Variants in RHOT1 observed in about 807,000 individuals in gnomAD.
RHOT1 encodes ras homolog family member T1, also known as mitochondrial Rho GTPase 1.
A neutral mutation model predicts 95.3 loss-of-function variants in RHOT1; 27 were observed. That is an observed-to-expected ratio of 0.28 (90% CI 0.21 to 0.39). The LOEUF is 0.39. Ranked by LOEUF, RHOT1 falls within the 10% of genes least tolerant of loss-of-function variation. The pLI is 1.00. For missense variants in RHOT1, 578 were observed against 786.7 expected (o/e 0.73, Z 3.17); for synonymous variants, 227 against 263.5 (o/e 0.86, Z 1.34).
At chr17:32,163,297 TAG>T (rs745733282) in intron 1 of RHOT1, among the ~76,000 whole-genome samples, 1 of 151,796 alleles carries the variant, frequency 6.6e-6, no homozygotes, top group Admixed American at 6.6e-5. Flanking sequence ...ATTAGGGAAA[TAG>T]GGGAACAGTG....
In RHOT1 at chr17:32,217,816, CAG is replaced by C. The variant is rs200569256; in HGVS notation, c.1862+6583_1862+6584del. Reference sequence around the variant, plus strand: ...ATTGAAACATTTGGAGAAACAAAAGCAGAGAGTCCAGAAGACTTTTTTTAATT... The same window carrying C: ...ATTGAAACATTTGGAGAAACAAAAGCAGAGTCCAGAAGACTTTTTTTAATT... On this transcript the variant is annotated intron_variant, in intron 19 of 19. Transcript: ENST00000545287. Among the ~76,000 whole-genome samples, 1,089 of 150,978 alleles carry C rather than the reference CAG, an allele frequency of 7.2e-3. 39 individuals are homozygous for C. The highest frequency in any genetic ancestry group is 0.063 in the Admixed American group (955 of 15,148).
At chr17:32,192,509 G>A (rs1243228187) in intron 9 of RHOT1, among the ~76,000 whole-genome samples, 5 of 151,822 alleles carry the variant, frequency 3.3e-5, no homozygotes, top group Non-Finnish European at 7.4e-5. Context: ...TCATTTTATG[G>A]TATAAAGTGG....
intron 11 of RHOT1, among the ~76,000 whole-genome samples, chr17:32,195,694 C>G (rs916786493): frequency 6.6e-6 from 1 of 152,180 alleles, no homozygotes; most frequent in Admixed American, 6.6e-5. Context: ...TTTTACTTCT[C>G]CGTTATTGAG....
At chr17:32,223,417 C>CTTTTTTTTT (rs35956904) in intron 19 of RHOT1, among the ~76,000 whole-genome samples, 2 of 139,362 alleles carry the variant, frequency 1.4e-5, no homozygotes. Flanking sequence ...TCTTTTCTTT[C>CTTTTTTTTT]TTTTTTTTTT....
At chr17:32,210,123 A>G (rs1021992236) in intron 18 of RHOT1, among the ~76,000 whole-genome samples, 7 of 152,140 alleles carry the variant, frequency 4.6e-5, no homozygotes, top group African/African-American at 1.7e-4. Flanking sequence ...AGATTGGGCC[A>G]GTCTTTTGAC....
At chr17:32,148,381 G>C (rs914628035) in intron 1 of RHOT1, among the ~76,000 whole-genome samples, 1 of 152,224 alleles carries the variant, frequency 6.6e-6, no homozygotes, top group Non-Finnish European at 1.5e-5. Context: ...TGGCCATAGA[G>C]TCCATTCTGC....
chr17:32,144,599 G>A (rs185509530), intron 1 of RHOT1, among the ~76,000 whole-genome samples: 74 of 152,196 alleles, frequency 4.9e-4, no homozygotes, highest in Admixed American at 1.0e-3. Flanking sequence ...TGTATTCCAA[G>A]CACTCTGGGA....
rs71144812 is a variant in RHOT1, at chr17:32,206,192, C to CTTTTTTTTTT, written c.1417-697_1417-688dup. On this transcript the variant is annotated intron_variant, in intron 16 of 19. Coordinates refer to ENST00000545287, the MANE Select transcript of RHOT1 (RefSeq NM_001033566.3). ...TCACTAATACTAGCTTCCATAGAAT[C>CTTTTTTTTTT]TTTTTTTTTTTTTTTTTTTTTTTTT... Among the ~76,000 whole-genome samples the CTTTTTTTTTT allele has an allele frequency of 4.0e-4, 24 of 60,528 alleles. 1 individual carries two copies. Among genetic ancestry groups the CTTTTTTTTTT allele is most frequent in the African/African-American group, 1.8e-3 (23 of 13,000 alleles). 39.7% of individuals were successfully genotyped at this position (60,528 alleles called of 152,430 possible).
chr17:32,224,599 A>T lies in RHOT1; in HGVS notation c.1863-17A>T, dbSNP rs756001416. The T allele has an allele frequency of 5.8e-6, 9 of 1,553,246 alleles. No homozygotes were observed. The South Asian group carries it at 1.0e-4, about 18-fold the overall frequency. ...ACTAATCATGTTTTAAATAATAATT[A>T]TATTTTCTGACTGCAGGCACGTGAC... On this transcript the variant is annotated splice_polypyrimidine_tract_variant and intron_variant, in intron 19 of 19. Coordinates refer to ENST00000545287, the MANE Select transcript of RHOT1 (RefSeq NM_001033566.3).
At chr17:32,143,135 C>G (rs928621666) in intron 1 of RHOT1, 1 of 534,208 alleles carries the variant, frequency 1.9e-6, no homozygotes, top group African/African-American at 1.9e-5. Context: ...CTGGAGATTC[C>G]CTTATCACTG....
intron 8 of RHOT1, among the ~76,000 whole-genome samples, chr17:32,185,229 G>A (rs1418001786): frequency 6.6e-6 from 1 of 152,102 alleles, no homozygotes; most frequent in East Asian, 1.9e-4. Context: ...TCCTGCCTCA[G>A]CCTTCCAAGT....
intron 1 of RHOT1, among the ~76,000 whole-genome samples, chr17:32,156,355 C>T (rs1177294491): frequency 1.3e-5 from 2 of 152,222 alleles, no homozygotes; most frequent in Non-Finnish European, 2.9e-5. Context: ...CAGCCTCAAC[C>T]TCCTGGGCTC....
At chr17:32,209,267 A>G in intron 18 of RHOT1, 1 of 640,562 alleles carries the variant, frequency 1.6e-6, no homozygotes, top group African/African-American at 1.9e-5. Flanking sequence ...TTCGAAGACA[A>G]GTCATTCCTA....
At chr17:32,143,611 GAA>G (rs1035921154) in intron 1 of RHOT1, among the ~76,000 whole-genome samples, 3 of 152,146 alleles carry the variant, frequency 2.0e-5, no homozygotes, top group African/African-American at 7.2e-5. Context: ...TTCACCTTTT[GAA>G]AATATAATAA....
chr17:32,163,646 C>T (rs2033770876), intron 1 of RHOT1, among the ~76,000 whole-genome samples: 1 of 151,706 alleles, frequency 6.6e-6, no homozygotes, highest in Admixed American at 6.6e-5. Flanking sequence ...AGGAGAATCA[C>T]TATAATCTGG....
chr17:32,201,788 TTAAC>T (rs1447938578), intron 14 of RHOT1, among the ~76,000 whole-genome samples: 1 of 152,082 alleles, frequency 6.6e-6, no homozygotes, highest in Non-Finnish European at 1.5e-5. Context: ...TATAACTTAT[TTAAC>T]TATCCCATAA....
At chr17:32,161,079 A>G (rs1017337428) in intron 1 of RHOT1, among the ~76,000 whole-genome samples, 1 of 152,190 alleles carries the variant, frequency 6.6e-6, no homozygotes, top group African/African-American at 2.4e-5. Context: ...AGACCACAGT[A>G]TTGTAGTAAA....
At chr17:32,178,403 G>A (rs2035214490) in intron 6 of RHOT1, among the ~76,000 whole-genome samples, 1 of 152,088 alleles carries the variant, frequency 6.6e-6, no homozygotes, top group African/African-American at 2.4e-5. Flanking sequence ...TGTTGACCGG[G>A]CTGGTCTCCA....
intron 8 of RHOT1, among the ~76,000 whole-genome samples, chr17:32,189,735 T>C (rs915527864): frequency 1.4e-5 from 2 of 138,002 alleles, no homozygotes; most frequent in Non-Finnish European, 3.0e-5. Context: ...TCTTTTCTTT[T>C]CTTTTTTTTT....
Sources: allele counts gnomAD v4.1 joint callset (sites outside exome capture counted in the v4.1 genomes callset), GRCh38; gene constraint gnomAD v4.1.1; transcripts MANE v1.5; gene names NCBI Gene and HGNC (gene_info 2026-07-23, HGNC 2026-07-21).